The following GLYATL2 variants were observed in gnomAD, a reference collection of about 807,000 sequenced individuals.
The protein encoded by GLYATL2 is glycine N-acyltransferase-like protein 2.
In GLYATL2, 25 loss-of-function variants were observed where a neutral mutation model predicts 21.4. The observed-to-expected ratio is 1.17, with a 90% confidence interval of 0.85 to 1.63. The LOEUF (loss-of-function observed/expected upper bound fraction) is 1.63. GLYATL2 is among the 40% of genes most tolerant of loss of function. GLYATL2 has a pLI of 0.00. For missense variants in GLYATL2, 361 were observed against 343.3 expected, an observed-to-expected ratio of 1.05 and a Z score of -0.41; for synonymous variants, 114 against 118.2, an observed-to-expected ratio of 0.96 and a Z score of 0.23.
intron 1 of GLYATL2, among the ~76,000 whole-genome samples, chr11:58,853,924 T>G (rs898340656): frequency 6.6e-6 from 1 of 152,162 alleles, no homozygotes; most frequent in African/African-American, 2.4e-5. Flanking sequence ...ACTATCTAAC[T>G]GAAATTTTGT....
rs767776632 is a variant in GLYATL2, at chr11:58,838,373, G to A, written c.79-5C>T. 24 of 1,563,862 alleles carry A rather than the reference G, an allele frequency of 1.5e-5. No homozygotes were observed. The highest frequency in any genetic ancestry group is 2.2e-5 in the South Asian group (2 of 89,910). On this transcript the variant is annotated splice_polypyrimidine_tract_variant and splice_region_variant and intron_variant, in intron 2 of 5. Transcript: ENST00000287275. ...GTTGAAAATGGCGCCATATACCTAC[G>A]ATGCAACAGAACAAAGCAGGAGAGG...
chr11:58,904,671 T>C (rs189977382), upstream of GLYATL2, among the ~76,000 whole-genome samples: 2 of 152,352 alleles, frequency 1.3e-5, no homozygotes, highest in Admixed American at 1.3e-4. Flanking sequence ...CTTCCCTGTT[T>C]CTGTTTGATA....
chr11:58,835,121 C>A (rs184824113), intron 5 of GLYATL2, among the ~76,000 whole-genome samples: 19 of 152,236 alleles, frequency 1.2e-4, no homozygotes, highest in African/African-American at 4.3e-4. Context: ...AAAATGAACA[C>A]ATGTCCCTAA....
chr11:58,898,671 T>C (rs1014301130), intron 1 of GLYATL2, among the ~76,000 whole-genome samples: 2 of 151,076 alleles, frequency 1.3e-5, no homozygotes, highest in African/African-American at 2.5e-5. Context: ...CCGCCTCTAC[T>C]AAAAATACAA....
Position 58,834,821 on chromosome 11 carries a change from T to C in GLYATL2, c.493A>G (p.Asn165Asp), listed in dbSNP as rs1853399243. 3 of 1,590,590 alleles carry C rather than the reference T, an allele frequency of 1.9e-6. No homozygotes were observed. Among genetic ancestry groups the C allele is most frequent in the African/African-American group, 1.4e-5 (1 of 73,774 alleles). The stretch of plus-strand genomic sequence containing the variant: ...GCATGTGAAGCATCTAAGAACATGT[T>C]TGAAAAGTTTCCTTCCCTGTGAAGA... ...DDDNKEGNFS[N>D]MFLDASHAGL... The change falls in exon 6 of 6, where the codon AAC (asparagine) becomes GAC (aspartate). Residue 165 changes from asparagine to aspartate, a missense_variant. Asn to Asp is a conservative substitution (Grantham distance 23). Transcript: ENST00000287275.
At chr11:58,876,158 T>C (rs1386662512) in intron 1 of GLYATL2, among the ~76,000 whole-genome samples, 2 of 152,220 alleles carry the variant, frequency 1.3e-5, no homozygotes, top group Non-Finnish European at 2.9e-5. Flanking sequence ...TTTAAGGACT[T>C]CTCTGCATTG....
intron 1 of GLYATL2, among the ~76,000 whole-genome samples, chr11:58,865,913 C>G (rs1001312143): frequency 4.0e-5 from 6 of 148,810 alleles, no homozygotes; most frequent in African/African-American, 1.5e-4. Context: ...TGTAGTATAG[C>G]CAAAGTTTCT....
At chr11:58,851,233 T>C (rs1853735807) in intron 1 of GLYATL2, among the ~76,000 whole-genome samples, 1 of 152,230 alleles carries the variant, frequency 6.6e-6, no homozygotes, top group South Asian at 2.1e-4. Context: ...TTTTCTTTTA[T>C]CTCTTTGTCT....
At chr11:58,870,617 A>C (rs1226103054) in intron 1 of GLYATL2, among the ~76,000 whole-genome samples, 1 of 152,232 alleles carries the variant, frequency 6.6e-6, no homozygotes, top group African/African-American at 2.4e-5. Flanking sequence ...GCACAGTTTT[A>C]CAAATGCTGG....
At chr11:58,893,881 C>A (rs550889287) in intron 1 of GLYATL2, among the ~76,000 whole-genome samples, 1 of 152,130 alleles carries the variant, frequency 6.6e-6, no homozygotes, top group East Asian at 1.9e-4. Context: ...AATAAATACC[C>A]CTGTTTATGG....
At position 58,863,129 on chromosome 11, in the gene GLYATL2, T is replaced by TTC. The variant is rs146870058; in HGVS notation, n.61-24762_61-24761insGA. On this transcript the variant is annotated intron_variant and non_coding_transcript_variant, in intron 1 of 4. Coordinates refer to the GLYATL2 transcript ENST00000533636. ...AATCCTGGATCCACTGGGTGGATAT[T>TTC]ATGCATATGTGGGGATGAACATAAA... Among the ~76,000 whole-genome samples the TTC allele has an allele frequency of 1.7e-3, 252 of 151,948 alleles. 2 individuals carry two copies. The highest frequency in any genetic ancestry group is 5.3e-3 in the African/African-American group (219 of 41,362).
At chr11:58,886,597 T>C (rs1409726407) in intron 1 of GLYATL2, among the ~76,000 whole-genome samples, 2 of 152,212 alleles carry the variant, frequency 1.3e-5, no homozygotes, top group African/African-American at 4.8e-5. Context: ...ACTTAGTACA[T>C]AGCACATAAT....
chr11:58,884,189 A>T (rs1366599214), intron 1 of GLYATL2, among the ~76,000 whole-genome samples: 1 of 152,234 alleles, frequency 6.6e-6, no homozygotes, highest in Non-Finnish European at 1.5e-5. Flanking sequence ...ACTCCTATTC[A>T]ACATAGTATT....
intron 1 of GLYATL2, among the ~76,000 whole-genome samples, chr11:58,881,631 A>T (rs1854336727): frequency 6.6e-6 from 1 of 152,138 alleles, no homozygotes; most frequent in Admixed American, 6.5e-5. Flanking sequence ...GAACATGTGC[A>T]CAATGTGCAG....
intron 1 of GLYATL2, among the ~76,000 whole-genome samples, chr11:58,856,152 A>C (rs1366580835): frequency 1.3e-5 from 2 of 152,132 alleles, no homozygotes; most frequent in Non-Finnish European, 2.9e-5. Context: ...AAAAAAGAAA[A>C]AGAAAATGGC....
upstream of GLYATL2, chr11:58,905,395 G>C (rs1014169141): frequency 2.2e-6 from 1 of 446,438 alleles, no homozygotes; most frequent in South Asian, 1.6e-5. Context: ...ATCCCGCCTG[G>C]ATGCACGTCC....
chr11:58,854,238 C>G (rs1054910067), intron 1 of GLYATL2, among the ~76,000 whole-genome samples: 5 of 152,144 alleles, frequency 3.3e-5, no homozygotes, highest in African/African-American at 1.2e-4. Context: ...TATGTCTTGG[C>G]TATTGTGAAT....
Position 58,874,421 on chromosome 11 carries a change from C to T in GLYATL2, n.60+29735G>A, listed in dbSNP as rs563096272. 2.0e-5 allele frequency among the ~76,000 whole-genome samples: 3 copies of T among 152,314 alleles called. No individual in the cohort carries two copies. In the South Asian group the frequency reaches 6.2e-4, roughly 32 times the overall value. ...GATCTTTCCTGCTTTCTCTTATGGGCATTTAGTGCTATAAATTTCCCTCTA... is the reference window on the plus strand; with the variant it reads ...GATCTTTCCTGCTTTCTCTTATGGGTATTTAGTGCTATAAATTTCCCTCTA... On this transcript the variant is annotated intron_variant and non_coding_transcript_variant, in intron 1 of 4. Coordinates refer to the GLYATL2 transcript ENST00000533636.
upstream of GLYATL2, among the ~76,000 whole-genome samples, chr11:58,904,814 A>G (rs1172382385): frequency 6.6e-6 from 1 of 152,242 alleles, no homozygotes; most frequent in African/African-American, 2.4e-5. Flanking sequence ...CACCAAAACT[A>G]TCAACTTTTA....
Sources: allele counts gnomAD v4.1 joint callset (sites outside exome capture counted in the v4.1 genomes callset), GRCh38; gene constraint gnomAD v4.1.1; transcripts MANE v1.5; gene names NCBI Gene and HGNC (gene_info 2026-07-23, HGNC 2026-07-21).